HNRNPF: variants seen among roughly 807,000 people sequenced by gnomAD.
HNRNPF encodes the protein HnRNP F protein.
HNRNPF carries 2 observed loss-of-function variants against 26.0 expected under a neutral mutation model. The observed-to-expected ratio is 0.08, with a 90% CI of 0.03 to 0.24. HNRNPF has a LOEUF of 0.24. HNRNPF is among the 10% of genes least tolerant of loss of function. The pLI is 1.00. For synonymous variants in HNRNPF, 234 were observed against 211.5 expected, an observed-to-expected ratio of 1.11 and a Z score of -0.92; for missense variants, 299 against 539.2, an observed-to-expected ratio of 0.55 and a Z score of 4.41.
intron 3 of HNRNPF, among the ~76,000 whole-genome samples, chr10:43,394,090 T>C (rs1838363442): frequency 6.6e-6 from 1 of 152,208 alleles, no homozygotes; most frequent in Non-Finnish European, 1.5e-5. Context: ...AACTTGTGCC[T>C]GTTTTGTTGG....
chr10:43,405,961 A>T (rs1838904725), intron 1 of HNRNPF, among the ~76,000 whole-genome samples: 1 of 151,834 alleles, frequency 6.6e-6, no homozygotes, highest in African/African-American at 2.4e-5. Flanking sequence ...CCAACTTGGG[A>T]CCCAGTTGGG....
At chr10:43,395,585 T>C (rs905620765) in intron 2 of HNRNPF, among the ~76,000 whole-genome samples, 1 of 152,128 alleles carries the variant, frequency 6.6e-6, no homozygotes, top group Non-Finnish European at 1.5e-5. Flanking sequence ...AAGACACTAT[T>C]GGGGGGGTGT....
At chr10:43,389,704 T>C (rs1838168297) in intron 3 of HNRNPF, among the ~76,000 whole-genome samples, 1 of 152,216 alleles carries the variant, frequency 6.6e-6, no homozygotes, top group South Asian at 2.1e-4. Context: ...TGTGATATCC[T>C]GAACACATCA....
intron 3 of HNRNPF, among the ~76,000 whole-genome samples, chr10:43,390,145 A>AG (rs969852628): frequency 6.6e-6 from 1 of 152,184 alleles, no homozygotes; most frequent in Non-Finnish European, 1.5e-5. Context: ...CTGTCCACGG[A>AG]GGGAATTCTG....
In HNRNPF at chr10:43,401,872, AGGCCCTGAGCTGAGACTGCT is replaced by A. The variant is rs950340759; in HGVS notation, c.-246-5302_-246-5283del. On this transcript the variant is annotated intron_variant, in intron 1 of 3. Coordinates refer to ENST00000682386, the MANE Select transcript of HNRNPF (RefSeq NM_001098204.2). ...ACACCTTAGTCAGGTTCCAAGCAGC[AGGCCCTGAGCTGAGACTGCT>A]GGCCCTGAGCTGTGCTGCCCAGGGG... is the stretch of plus-strand genomic sequence containing the variant. Among the ~76,000 whole-genome samples, 18 of 152,268 alleles carry A rather than the reference AGGCCCTGAGCTGAGACTGCT, an allele frequency of 1.2e-4. No homozygotes were observed. In the South Asian group the frequency reaches 2.5e-3, roughly 21 times the overall value.
chr10:43,406,351 T>C (rs1838918209), intron 1 of HNRNPF, among the ~76,000 whole-genome samples: 1 of 152,210 alleles, frequency 6.6e-6, no homozygotes, highest in Non-Finnish European at 1.5e-5. Context: ...TTCCATTTTT[T>C]ACCTGAATAA....
chr10:43,395,791 G>A (rs1415922990), intron 2 of HNRNPF, among the ~76,000 whole-genome samples: 1 of 152,178 alleles, frequency 6.6e-6, no homozygotes, highest in Non-Finnish European at 1.5e-5. Context: ...CCAACACCCT[G>A]AGGCGTCTCT....
intron 1 of HNRNPF, chr10:43,397,220 G>GCGGGGTC (rs962376278): frequency 1.3e-5 from 2 of 152,220 alleles, no homozygotes; most frequent in Non-Finnish European, 2.9e-5. Flanking sequence ...CCGAGGAGGC[G>GCGGGGTC]CGGGGTCCGG....
intron 2 of HNRNPF, among the ~76,000 whole-genome samples, 182 bp downstream of exon 2, chr10:43,396,274 C>T (rs1016968371): frequency 6.6e-6 from 1 of 152,216 alleles, no homozygotes; most frequent in African/African-American, 2.4e-5. Flanking sequence ...CAGGACAGGA[C>T]TCGAGGAAGG....
chr10:43,395,978 C>T (rs1293155815), intron 2 of HNRNPF, among the ~76,000 whole-genome samples: 1 of 152,136 alleles, frequency 6.6e-6, no homozygotes, highest in Non-Finnish European at 1.5e-5. Flanking sequence ...CTGCTCAGCT[C>T]CCCCAGGTGA....
Position 43,386,473 on chromosome 10 carries a change from A to G in HNRNPF, c.*164T>C, listed in dbSNP as rs10409. 0.059 allele frequency: 37,974 copies of G among 642,706 alleles called. 1,720 individuals carry two copies. The highest frequency in any genetic ancestry group is 0.18 in the East Asian group (6,744 of 36,964). The allele number at this position is 642,706 out of a possible 1,614,324, so 39.8% of individuals were successfully genotyped here. ...TTACTCATTATCACATGCTAGAAGA[A>G]AATTTTGCATGAGAAAACACTGAAG... On this transcript the variant is annotated 3_prime_UTR_variant, in exon 4 of 4. Transcript: ENST00000682386.
At chr10:43,391,069 CCGA>C (rs770196169) in intron 3 of HNRNPF, among the ~76,000 whole-genome samples, 27 of 152,114 alleles carry the variant, frequency 1.8e-4, no homozygotes, top group Non-Finnish European at 3.8e-4. Context: ...CTTTGGGAGG[CCGA>C]GGTGGGTGGG....
chr10:43,394,014 A>G (rs1274960459), intron 3 of HNRNPF, among the ~76,000 whole-genome samples: 2 of 152,172 alleles, frequency 1.3e-5, no homozygotes, highest in Non-Finnish European at 2.9e-5. Context: ...CATGCTCTAC[A>G]CTAACCACAG....
intron 3 of HNRNPF, among the ~76,000 whole-genome samples, chr10:43,392,089 C>T (rs903919553): frequency 2.6e-5 from 4 of 152,096 alleles, no homozygotes; most frequent in African/African-American, 4.8e-5. Flanking sequence ...ACCAAAAATA[C>T]AAAAATTAGC....
At position 43,402,655 on chromosome 10, in the gene HNRNPF, G is replaced by A. The variant is rs141021340; in HGVS notation, c.-246-6065C>T. 6.6e-5 allele frequency among the ~76,000 whole-genome samples: 10 copies of A among 152,274 alleles called. No homozygotes were observed. The East Asian group carries it at 1.3e-3, about 21-fold the overall frequency. ...GAATTCTATGTACTTTAAGAGGATC[G>A]TATATGGTATCTAACACCAACTTAA... is the stretch of plus-strand genomic sequence containing the variant. On this transcript the variant is annotated intron_variant, in intron 1 of 3. Transcript: ENST00000682386.
chr10:43,393,937 A>T (rs1023748180), intron 3 of HNRNPF, among the ~76,000 whole-genome samples: 1 of 152,148 alleles, frequency 6.6e-6, no homozygotes, highest in Non-Finnish European at 1.5e-5. Flanking sequence ...AATCCCACTA[A>T]TCCTTAAGGT....
Position 43,387,663 on chromosome 10 carries a change from G to A in HNRNPF, c.222C>T (p.Asp74=). Residue 74 remains aspartate (D), a synonymous_variant, in exon 4 of 4, where the codon GAC becomes GAT. Transcript: ENST00000682386. This position sits in a 1 kb window ranked among gnomAD's most constrained non-coding sequence, Gnocchi z 6.0. Reference sequence around the variant, plus strand: ...TGTACCGGTGTCCCATGCTTTCCCTGTCTTTTTTCAGGGCCATTTTTACAT... The same window carrying A: ...TGTACCGGTGTCCCATGCTTTCCCTATCTTTTTTCAGGGCCATTTTTACAT... ...EDDVKMALKK[D]RESMGHRYIE... 1 of 1,614,114 alleles carries A rather than the reference G, an allele frequency of 6.2e-7. No individual in the cohort carries two copies. The highest frequency in any genetic ancestry group is 8.5e-7 in the Non-Finnish European group (1 of 1,180,024).
At chr10:43,396,830 C>G (rs945299898) in intron 1 of HNRNPF, 1 of 145,014 alleles carries the variant, frequency 6.9e-6, no homozygotes, top group Non-Finnish European at 1.5e-5. Context: ...GAGCGAGCGG[C>G]GCAGCGGGGA....
intron 1 of HNRNPF, among the ~76,000 whole-genome samples, chr10:43,402,041 G>A (rs1838768907): frequency 6.6e-6 from 1 of 151,906 alleles, no homozygotes; most frequent in African/African-American, 2.4e-5. Flanking sequence ...TCAGGTTTCA[G>A]GGAACAAGAA....
Sources: allele counts gnomAD v4.1 joint callset (sites outside exome capture counted in the v4.1 genomes callset), GRCh38; gene constraint gnomAD v4.1.1; non-coding constraint Gnocchi (gnomAD v3.1); transcripts MANE v1.5; gene names NCBI Gene and HGNC (gene_info 2026-07-23, HGNC 2026-07-21).